ABCA3: variants seen among roughly 807,000 people sequenced by gnomAD.
ABCA3 encodes the protein ATP binding cassette subfamily A member 3, also known as phospholipid-transporting ATPase ABCA3.
In ABCA3, 88 loss-of-function variants were observed where a neutral mutation model predicts 172.8. The ratio of observed to expected loss-of-function variants is 0.51; its 90% CI spans 0.43 to 0.61. The LOEUF is 0.61. Among genes scored for constraint, ABCA3 ranks in the 20% least tolerant of loss-of-function variants. The pLI is 0.00. For synonymous variants in ABCA3, 1,066 were observed against 983.8 expected (o/e 1.08, Z -1.56); for missense variants, 2,164 against 2,301.0 (o/e 0.94, Z 1.22).
chr16:2,299,357 A>G (rs1431102584), intron 14 of ABCA3, 46 bp downstream of exon 14: 5 of 1,610,146 alleles, frequency 3.1e-6, no homozygotes, highest in Non-Finnish European at 4.2e-6. Context: ...GATGGTGTTA[A>G]AGGGGGGCCT....
At chr16:2,337,375 C>CTTT (rs35818080) in intron 1 of ABCA3, among the ~76,000 whole-genome samples, 1 of 142,370 alleles carries the variant, frequency 7.0e-6, no homozygotes, top group South Asian at 2.2e-4. Context: ...AGTCTGAGGC[C>CTTT]TTTTTTTTTT....
chr16:2,314,152 A>G (rs1328159292), intron 10 of ABCA3, among the ~76,000 whole-genome samples: 2 of 152,200 alleles, frequency 1.3e-5, no homozygotes, highest in Non-Finnish European at 2.9e-5. Flanking sequence ...TGTACGCCCA[A>G]AGAATGAAAA....
intron 8 of ABCA3, 123 bp from the exon 9 acceptor site, chr16:2,317,887 T>C: frequency 1.2e-6 from 1 of 839,582 alleles, no homozygotes; most frequent in East Asian, 2.5e-5. Flanking sequence ...CGACAGGGTC[T>C]TACTATGTCG....
At chr16:2,324,342 G>A (rs2093730776) in intron 6 of ABCA3, 62 bp downstream of exon 6, 10 of 1,537,576 alleles carry the variant, frequency 6.5e-6, no homozygotes, top group Middle Eastern at 2.1e-4. Flanking sequence ...AACTAGTGAC[G>A]CGGGAGGAAG....
intron 11 of ABCA3, among the ~76,000 whole-genome samples, chr16:2,306,945 G>A (rs2093698656): frequency 6.7e-6 from 1 of 149,742 alleles, no homozygotes; most frequent in African/African-American, 2.5e-5. Flanking sequence ...AACCCGGGAG[G>A]CGGAGCTTGC....
intron 8 of ABCA3, among the ~76,000 whole-genome samples, chr16:2,318,343 G>A (rs968873921): frequency 2.6e-5 from 4 of 152,124 alleles, no homozygotes; most frequent in African/African-American, 9.7e-5. Context: ...GGAGTCAGGC[G>A]TGGTGATGAG....
intron 2 of ABCA3, 21 bp from the exon 3 acceptor site, chr16:2,328,778 T>A: frequency 3.9e-6 from 1 of 259,474 alleles, no homozygotes; most frequent in Non-Finnish European, 8.0e-6. Flanking sequence ...CCCAACATCA[T>A]CCATCAGCCA....
intron 10 of ABCA3, among the ~76,000 whole-genome samples, chr16:2,315,008 G>C (rs1210954346): frequency 6.6e-6 from 1 of 151,016 alleles, no homozygotes; most frequent in Non-Finnish European, 1.5e-5. Flanking sequence ...CTCCCGAGTA[G>C]CTGGGACTAC....
chr16:2,318,250 G>C (rs1273313961), intron 8 of ABCA3, among the ~76,000 whole-genome samples: 1 of 152,118 alleles, frequency 6.6e-6, no homozygotes, highest in Admixed American at 6.6e-5. Flanking sequence ...TGAAAGGAGG[G>C]GCCCAGAACC....
At chr16:2,322,144 G>GC (rs2093727035) in intron 7 of ABCA3, among the ~76,000 whole-genome samples, 1 of 151,448 alleles carries the variant, frequency 6.6e-6, no homozygotes, top group African/African-American at 2.4e-5. Context: ...GTTGCAGTGA[G>GC]CCGAGGTCGC....
chr16:2,338,154 A>G (rs2093754812), intron 1 of ABCA3, among the ~76,000 whole-genome samples: 1 of 152,186 alleles, frequency 6.6e-6, no homozygotes, highest in South Asian at 2.1e-4. Flanking sequence ...CAAGCAAGTT[A>G]GCAAGGACCT....
chr16:2,310,684 TG>T (rs1237958542), intron 10 of ABCA3, among the ~76,000 whole-genome samples: 7 of 151,730 alleles, frequency 4.6e-5, no homozygotes, highest in Admixed American at 2.0e-4. Context: ...GCCAGGCTAA[TG>T]TTTTTTTTAT....
intron 11 of ABCA3, among the ~76,000 whole-genome samples, chr16:2,305,922 A>G (rs1020076909): frequency 1.3e-5 from 2 of 152,178 alleles, no homozygotes; most frequent in African/African-American, 4.8e-5. Context: ...TGGTTTGCCA[A>G]CATTGCAGTC....
Position 2,326,205 on chromosome 16 carries a change from G to A in ABCA3, c.124C>T (p.Leu42Phe). ...TTTTCCGACTGAATCTTCAAGCGGA[G>A]CCAGATGAGGATCCCAGAAAACAGC... ...PLLFSGILIW[L>F]RLKIQSENVP... is the part of the protein sequence containing the mutation. The change falls in exon 5 of 33, where the codon CTC becomes TTC. Residue 42 changes from leucine to phenylalanine, a missense_variant. Leu to Phe is a conservative substitution (Grantham distance 22). This residue lies in a region of ABCA3 where 1,343 missense variants were observed against 1,369.6 expected (regional missense o/e 0.98). Transcript: ENST00000301732. The A allele has an allele frequency of 1.2e-6, 2 of 1,614,104 alleles. No individual in the cohort carries two copies. Among genetic ancestry groups the A allele is most frequent in the African/African-American group, 1.3e-5 (1 of 75,038 alleles).
At chr16:2,321,134 G>A (rs965009434) in intron 7 of ABCA3, among the ~76,000 whole-genome samples, 1 of 152,070 alleles carries the variant, frequency 6.6e-6, no homozygotes, top group Non-Finnish European at 1.5e-5. Flanking sequence ...AAAACAGGAG[G>A]GAGCTGAGCA....
At position 2,310,555 on chromosome 16, in the gene ABCA3, C is replaced by T. The variant is rs528669611; in HGVS notation, c.1112-1932G>A. Among the ~76,000 whole-genome samples, 8 of 150,264 alleles carry T rather than the reference C, an allele frequency of 5.3e-5. No individual in the cohort carries two copies. The South Asian group carries it at 1.5e-3, about 28-fold the overall frequency. On this transcript the variant is annotated intron_variant, in intron 10 of 32. Transcript: ENST00000301732. ...TTTCTGAGACAGGGTCTCATACTAT[C>T]GCCCAGGATGGAGTGCAGTGGTGTG... is the stretch of plus-strand genomic sequence containing the variant.
chr16:2,323,491 C>T (rs1365352916), intron 7 of ABCA3, 32 bp downstream of exon 7: 3 of 1,613,616 alleles, frequency 1.9e-6, no homozygotes, highest in Non-Finnish European at 2.5e-6. Flanking sequence ...ACAGCCCGGG[C>T]TGGTAACACG....
At chr16:2,292,009 G>A in intron 19 of ABCA3, 131 bp downstream of exon 19, 1 of 698,650 alleles carries the variant, frequency 1.4e-6, no homozygotes, top group South Asian at 1.5e-5. Flanking sequence ...GGAGGCGGAG[G>A]TTGCGGTGAG....
Position 2,326,173 on chromosome 16 carries a change from G to A in ABCA3, c.156C>T (p.Pro52=). ...LRLKIQSENV[P]NATIYPGQSI... is the part of the protein sequence containing the mutation. ...ACTGGCCCGGGTAGATGGTGGCGTTGGGCACATTTTCCGACTGAATCTTCA... is the reference window on the plus strand; with the variant it reads ...ACTGGCCCGGGTAGATGGTGGCGTTAGGCACATTTTCCGACTGAATCTTCA... Residue 52 remains proline (P), a synonymous_variant, in exon 5 of 33, where the codon CCC becomes CCT. Coordinates refer to ENST00000301732, the MANE Select transcript of ABCA3 (RefSeq NM_001089.3). 6.2e-7 allele frequency: 1 copy of A among 1,614,174 alleles called. No individual in the cohort carries two copies. The highest frequency in any genetic ancestry group is 8.5e-7 in the Non-Finnish European group (1 of 1,180,050).
Sources: gnomAD v4.1 joint callset for allele counts (sites outside exome capture counted in the v4.1 genomes callset) on GRCh38, gnomAD v4.1.1 for gene constraint, gnomAD v4.1.1 regional missense constraint, MANE v1.5 for transcripts, NCBI Gene and HGNC (gene_info 2026-07-23, HGNC 2026-07-21) for gene names.